Variants in DMP1 observed in about 807,000 individuals in gnomAD.
DMP1 encodes the protein dentin matrix acidic phosphoprotein 1, also known as dentin matrix protein 1.
A neutral mutation model predicts 14.6 loss-of-function variants in DMP1; 20 were observed. The observed-to-expected ratio is 1.37, with a 90% CI of 0.96 to 1.99. DMP1 has a LOEUF of 1.99. Ranked by LOEUF, DMP1 falls within the 30% of genes most tolerant of loss-of-function variation. The pLI is 0.00. For synonymous variants in DMP1, 197 were observed against 215.3 expected (o/e 0.91, Z 0.75); for missense variants, 567 against 620.5 (o/e 0.91, Z 0.92).
At position 87,662,916 on chromosome 4, in the gene DMP1, G is replaced by C. The variant is rs1170551868; in HGVS notation, c.1138G>C (p.Asp380His). The C allele has an allele frequency of 6.2e-7, 1 of 1,614,202 alleles. No homozygotes were observed. Among genetic ancestry groups the C allele is most frequent in the South Asian group, 1.1e-5 (1 of 91,080 alleles). The change falls in exon 6 of 6, where the codon GAC becomes CAC. Residue 380 changes from aspartate to histidine, a missense_variant. Physicochemically the swap from Asp to His is moderately conservative, Grantham distance 81. Coordinates refer to ENST00000339673, the MANE Select transcript of DMP1 (RefSeq NM_004407.4). Reference protein sequence around the residue: ...PTTSYVEDQEDSDSSEEDSSH... With the variant: ...PTTSYVEDQEHSDSSEEDSSH... The stretch of plus-strand genomic sequence containing the variant: ...AACTAGTTATGTAGAAGACCAGGAA[G>C]ACAGTGACTCCAGCGAGGAGGACAG...
At chr4:87,656,693 AT>A in intron 2 of DMP1, 147 bp downstream of exon 2, 1 of 732,042 alleles carries the variant, frequency 1.4e-6, no homozygotes, top group South Asian at 1.5e-5. Context: ...AAGAAATATC[AT>A]TCAAGGTGTT....
At chr4:87,655,748 A>G (rs905185535) in intron 1 of DMP1, among the ~76,000 whole-genome samples, 1 of 152,124 alleles carries the variant, frequency 6.6e-6, no homozygotes, top group Non-Finnish European at 1.5e-5. Context: ...ACTGGTGTCA[A>G]TAAGTGTAGT....
intron 5 of DMP1, among the ~76,000 whole-genome samples, chr4:87,661,248 A>G (rs1166675239): frequency 1.1e-4 from 11 of 99,594 alleles, no homozygotes; most frequent in African/African-American, 2.4e-4. Flanking sequence ...TTTGAGACGG[A>G]GTCTCGCTGT....
At chr4:87,656,436 T>C in intron 1 of DMP1, 36 bp from the exon 2 acceptor site, 1 of 1,228,932 alleles carries the variant, frequency 8.1e-7, no homozygotes, top group Non-Finnish European at 1.2e-6. Flanking sequence ...TTTATTCCTT[T>C]AACATGGAGA....
At chr4:87,653,405 A>ATATATATATATATATATATAT (rs1728581159) in intron 1 of DMP1, among the ~76,000 whole-genome samples, 5 of 102,022 alleles carry the variant, frequency 4.9e-5, no homozygotes, top group Non-Finnish European at 1.0e-4. Flanking sequence ...ATATATATAT[A>ATATATATATATATATATATAT]TATATATATA....
At chr4:87,655,668 T>TTGTG (rs146925985) in intron 1 of DMP1, among the ~76,000 whole-genome samples, 8 of 150,266 alleles carry the variant, frequency 5.3e-5, no homozygotes, top group African/African-American at 1.2e-4. Flanking sequence ...TTAGAAGCCA[T>TTGTG]TGTGTGTGTG....
intron 1 of DMP1, among the ~76,000 whole-genome samples, chr4:87,654,592 A>G (rs939425011): frequency 1.3e-5 from 2 of 152,136 alleles, no homozygotes; most frequent in African/African-American, 4.8e-5. Context: ...GAGTCCGAGG[A>G]CTTCAGTATT....
intron 1 of DMP1, among the ~76,000 whole-genome samples, chr4:87,655,728 A>G (rs1203154019): frequency 6.6e-6 from 1 of 152,058 alleles, no homozygotes; most frequent in Admixed American, 6.6e-5. Flanking sequence ...ACAAATGCCC[A>G]CCACCTATCA....
At chr4:87,661,335 C>A (rs899478274) in intron 5 of DMP1, among the ~76,000 whole-genome samples, 1 of 151,108 alleles carries the variant, frequency 6.6e-6, no homozygotes, top group South Asian at 2.1e-4. Flanking sequence ...CATTCTCCTG[C>A]CTCAGCCTCC....
In DMP1 at chr4:87,663,092, C is replaced by T; in HGVS notation, c.1314C>T (p.Ser438=). 2 of 1,614,214 alleles carry T rather than the reference C, an allele frequency of 1.2e-6. No homozygotes were observed. The highest frequency in any genetic ancestry group is 1.7e-6 in the Non-Finnish European group (2 of 1,180,038). The change falls in exon 6 of 6, where the codon AGC becomes AGT. Residue 438 remains serine (S), a synonymous_variant. Transcript: ENST00000339673. ...SSQEGLQSHS[S]SAESQSEESH... ...AGGAGGGCCTCCAGTCTCACAGCAG[C>T]TCAGCAGAGAGTCAGAGCGAGGAAA...
chr4:87,660,613 G>C (rs1728833262), intron 5 of DMP1: 1 of 152,278 alleles, frequency 6.6e-6, no homozygotes, highest in South Asian at 2.1e-4. Context: ...ATGGTAAAGA[G>C]AGCAGATATT....
At chr4:87,660,432 T>C (rs527478959) in intron 5 of DMP1, among the ~76,000 whole-genome samples, 41 of 152,284 alleles carry the variant, frequency 2.7e-4, no homozygotes, top group African/African-American at 9.6e-4. Flanking sequence ...GTTAAACCCA[T>C]GCTCAGTTCC....
chr4:87,661,458 G>A (rs1369178155), intron 5 of DMP1, among the ~76,000 whole-genome samples: 1 of 151,594 alleles, frequency 6.6e-6, no homozygotes, highest in Admixed American at 6.6e-5. Context: ...TCCTGACCTC[G>A]TGATCCGCCC....
Position 87,663,359 on chromosome 4 carries a change from T to A in DMP1, c.*39T>A. The stretch of plus-strand genomic sequence containing the variant: ...AAGAAGCAGTTGTCACATAAAGGAG[T>A]CTTAGGGACTTGAAAATGTATCATG... On this transcript the variant is annotated 3_prime_UTR_variant, in exon 6 of 6. Coordinates refer to ENST00000339673, the MANE Select transcript of DMP1 (RefSeq NM_004407.4). 6.2e-7 allele frequency: 1 copy of A among 1,613,596 alleles called. No individual in the cohort carries two copies. Among genetic ancestry groups the A allele is most frequent in the Non-Finnish European group, 8.5e-7 (1 of 1,179,784 alleles).
intron 1 of DMP1, among the ~76,000 whole-genome samples, chr4:87,653,405 A>ATATATATATATATATATATATAT (rs1728581237): frequency 1.8e-4 from 18 of 102,020 alleles, no homozygotes; most frequent in Non-Finnish European, 3.3e-4. Context: ...ATATATATAT[A>ATATATATATATATATATATATAT]TATATATATA....
rs771691318 is a variant in DMP1 at position 87,663,335 on chromosome 4, A to G, written c.*15A>G. ...ACGGCTATTAGCATCAGCTGTCCTAAGAAGCAGTTGTCACATAAAGGAGTC... is the reference window on the plus strand; with the variant it reads ...ACGGCTATTAGCATCAGCTGTCCTAGGAAGCAGTTGTCACATAAAGGAGTC... On this transcript the variant is annotated 3_prime_UTR_variant, in exon 6 of 6. Transcript: ENST00000339673. The G allele has an allele frequency of 6.2e-7, 1 of 1,614,222 alleles. No homozygotes were observed. The highest frequency in any genetic ancestry group is 8.5e-7 in the Non-Finnish European group (1 of 1,180,026).
intron 2 of DMP1, 124 bp downstream of exon 2, chr4:87,656,670 A>G (rs566234658): frequency 2.6e-6 from 2 of 774,042 alleles, no homozygotes; most frequent in East Asian, 2.4e-5. Flanking sequence ...GTTTCTTAGC[A>G]TGCTGTTTTC....
chr4:87,659,336 T>C, intron 4 of DMP1, 84 bp downstream of exon 4: 1 of 1,596,606 alleles, frequency 6.3e-7, no homozygotes. Flanking sequence ...ATTTTGAAAG[T>C]AGTAAATCCA....
rs1728782296 is a variant in DMP1 at position 87,659,149 on chromosome 4, T to G, written c.103-71T>G. 2.0e-6 allele frequency: 3 copies of G among 1,470,642 alleles called. No individual in the cohort carries two copies. The African/African-American group carries it at 4.2e-5, about 21-fold the overall frequency. 91.1% of individuals were successfully genotyped at this position (1,470,642 alleles called of 1,614,324 possible). A position where few individuals can be genotyped will look rare whatever the true frequency, so the allele number is the denominator to read the frequency against. ...ACTAAAAATAATAACCTAAAATTATTGTAAATAATTACAATAATGAAATCC... is the reference window on the plus strand; with the variant it reads ...ACTAAAAATAATAACCTAAAATTATGGTAAATAATTACAATAATGAAATCC... On this transcript the variant is annotated intron_variant, in intron 3 of 5. Coordinates refer to ENST00000339673, the MANE Select transcript of DMP1 (RefSeq NM_004407.4).
Sources: allele counts gnomAD v4.1 joint callset (sites outside exome capture counted in the v4.1 genomes callset), GRCh38; gene constraint gnomAD v4.1.1; transcripts MANE v1.5; gene names NCBI Gene and HGNC (gene_info 2026-07-23, HGNC 2026-07-21).